The following CPSF2 variants were observed in gnomAD, a reference collection of about 807,000 sequenced individuals.
CPSF2 encodes cleavage and polyadenylation specificity factor subunit 2.
In CPSF2, 51 loss-of-function variants were observed where a neutral mutation model predicts 84.2. The observed-to-expected ratio is 0.61, with a 90% CI of 0.48 to 0.77. The LOEUF (loss-of-function observed/expected upper bound fraction) is 0.77, where lower values mean the gene tolerates loss of function less well. Ranked by LOEUF, CPSF2 falls within the 30% of genes least tolerant of loss-of-function variation. CPSF2 has a pLI of 0.00. For missense variants in CPSF2, 641 were observed against 929.4 expected (o/e 0.69, Z 4.03); for synonymous variants, 286 against 311.9 (o/e 0.92, Z 0.87).
chr14:92,150,166 C>T (rs751836849), intron 9 of CPSF2, among the ~76,000 whole-genome samples: 80 of 149,200 alleles, frequency 5.4e-4, no homozygotes, highest in Non-Finnish European at 9.6e-4. Context: ...CTTGCTCTGT[C>T]GCCAGGCTGG....
intron 9 of CPSF2, among the ~76,000 whole-genome samples, chr14:92,152,032 G>A (rs1453735029): frequency 2.0e-5 from 3 of 149,316 alleles, no homozygotes; most frequent in Non-Finnish European, 3.0e-5. Context: ...AAAAAATGCC[G>A]TTCTTCCCAC....
intron 1 of CPSF2, among the ~76,000 whole-genome samples, chr14:92,123,119 C>A (rs1198677093): frequency 6.6e-6 from 1 of 152,116 alleles, no homozygotes; most frequent in Non-Finnish European, 1.5e-5. Context: ...TTGTCATCAA[C>A]ATGCACGGTA....
chr14:92,138,163 A>G, intron 6 of CPSF2, 69 bp from the exon 7 acceptor site: 1 of 715,150 alleles, frequency 1.4e-6, no homozygotes, highest in Non-Finnish European at 2.3e-6. Flanking sequence ...CTTATTTTTT[A>G]AGTAAGAGAA....
chr14:92,133,935 G>A, intron 3 of CPSF2, 76 bp from the exon 4 acceptor site: 1 of 1,466,324 alleles, frequency 6.8e-7, no homozygotes, highest in Non-Finnish European at 9.4e-7. Flanking sequence ...ATCCAGAATT[G>A]GTGAATAATT....
intron 9 of CPSF2, among the ~76,000 whole-genome samples, chr14:92,143,718 C>T: frequency 6.6e-6 from 1 of 152,122 alleles, no homozygotes; most frequent in South Asian, 2.1e-4. Context: ...GGATCCTCCT[C>T]CCTCAGCCTC....
intron 7 of CPSF2, among the ~76,000 whole-genome samples, chr14:92,141,630 C>T (rs1474738637): frequency 6.6e-6 from 1 of 152,102 alleles, no homozygotes. Flanking sequence ...GCCTGGCCAC[C>T]ATTTTATTTG....
Position 92,158,975 on chromosome 14 carries a change from AT to A in CPSF2, c.1822-7del. 1 of 1,587,974 alleles carries A rather than the reference AT, an allele frequency of 6.3e-7. No individual in the cohort carries two copies. Among genetic ancestry groups the A allele is most frequent in the Non-Finnish European group, 8.6e-7 (1 of 1,167,036 alleles). ...TTTTATTTCTCTCCCCCTCCTTTGC[AT>A]GTCTAGGTGAGGTTAAAAGACTCAC... On this transcript the variant is annotated splice_polypyrimidine_tract_variant and splice_region_variant and intron_variant, in intron 13 of 15. Transcript: ENST00000298875.
In CPSF2 at chr14:92,121,977, C is replaced by G. The variant is rs1267266162; in HGVS notation, c.-245C>G. ...TCCTCCTCGTCTCCGCCGCTAGTCT[C>G]CAGCTCCAAAATGGCGGCTGCCACT... is the stretch of plus-strand genomic sequence containing the variant. On this transcript the variant is annotated 5_prime_UTR_variant, in exon 1 of 16. Coordinates refer to ENST00000298875, the MANE Select transcript of CPSF2 (RefSeq NM_017437.3). The G allele has an allele frequency of 7.8e-6, 6 of 767,442 alleles. No individual in the cohort carries two copies. The highest frequency in any genetic ancestry group is 8.4e-6 in the Non-Finnish European group (4 of 475,430). 47.5% of individuals were successfully genotyped at this position (767,442 alleles called of 1,614,324 possible). A position where few individuals can be genotyped will look rare whatever the true frequency, so the allele number is the denominator to read the frequency against.
chr14:92,152,213 T>A (rs1460115388), intron 9 of CPSF2, among the ~76,000 whole-genome samples: 1 of 152,058 alleles, frequency 6.6e-6, no homozygotes, highest in Non-Finnish European at 1.5e-5. Flanking sequence ...CACTGCAACC[T>A]CCGCCTCCCA....
intron 6 of CPSF2, among the ~76,000 whole-genome samples, chr14:92,135,848 A>G (rs553201591): frequency 2.0e-5 from 3 of 152,182 alleles, no homozygotes; most frequent in Non-Finnish European, 4.4e-5. Context: ...GTAACGTGAT[A>G]TGGTTTGGCT....
At chr14:92,150,347 C>T (rs1248527387) in intron 9 of CPSF2, among the ~76,000 whole-genome samples, 1 of 151,868 alleles carries the variant, frequency 6.6e-6, no homozygotes, top group African/African-American at 2.4e-5. Flanking sequence ...GTCTCGAACT[C>T]CTGACCTCAG....
chr14:92,146,476 G>A (rs745609467), intron 9 of CPSF2, among the ~76,000 whole-genome samples: 2 of 152,128 alleles, frequency 1.3e-5, no homozygotes, highest in Admixed American at 1.3e-4. Context: ...AGCCAGGATC[G>A]CGCCACTGCA....
rs755124126 is a variant in CPSF2 at position 92,156,618 on chromosome 14, T to C, written c.1582T>C (p.Ser528Pro). ...VPTKCISTTE[S>P]IEIKARVTYI... ...TACTAAATGTATTTCTACAACAGAG[T>C]CTATTGAAATAAAGTAAGTGCTTTT... Residue 528 changes from serine (S) to proline (P), a missense_variant, in exon 12 of 16, where the codon TCT (serine) becomes CCT (proline). Physicochemically the swap from Ser to Pro is moderately conservative, Grantham distance 74 (BLOSUM62 -1). This residue lies in a region of CPSF2 where 430 missense variants were observed against 553.6 expected (regional missense o/e 0.78). Coordinates refer to ENST00000298875, the MANE Select transcript of CPSF2 (RefSeq NM_017437.3). 1 of 1,569,354 alleles carries C rather than the reference T, an allele frequency of 6.4e-7. No individual in the cohort carries two copies. The highest frequency in any genetic ancestry group is 1.9e-5 in the Admixed American group (1 of 53,994).
intron 13 of CPSF2, among the ~76,000 whole-genome samples, chr14:92,158,653 G>A (rs148975658): frequency 4.1e-4 from 63 of 152,288 alleles, no homozygotes; most frequent in South Asian, 1.0e-3. Context: ...GGGGAGCTTC[G>A]TGAGGGTCAG....
chr14:92,145,777 T>A (rs957750162), intron 9 of CPSF2, among the ~76,000 whole-genome samples: 2 of 152,216 alleles, frequency 1.3e-5, no homozygotes, highest in East Asian at 3.8e-4. Flanking sequence ...TAGACAATGA[T>A]GTTTAGAAGC....
In CPSF2 at chr14:92,159,047, C is replaced by G. The variant is rs777405906; in HGVS notation, c.1886C>G (p.Ala629Gly). The G allele has an allele frequency of 2.5e-6, 4 of 1,613,966 alleles. No individual in the cohort carries two copies. In the South Asian group the frequency reaches 4.4e-5, roughly 18 times the overall value. Reference sequence around the variant, plus strand: ...TGTAAGGCAAAAGATGCTGAATTAGCTTGGATAGATGGTGTCTTAGATATG... The same window carrying G: ...TGTAAGGCAAAAGATGCTGAATTAGGTTGGATAGATGGTGTCTTAGATATG... ...QFCKAKDAEL[A>G]WIDGVLDMRV... Residue 629 changes from alanine (A) to glycine (G), a missense_variant, in exon 14 of 16, where the codon GCT (alanine) becomes GGT (glycine). Physicochemically the swap from Ala to Gly is moderately conservative, Grantham distance 60. Coordinates refer to ENST00000298875, the MANE Select transcript of CPSF2 (RefSeq NM_017437.3).
chr14:92,159,254 C>G lies in CPSF2; in HGVS notation c.2093C>G (p.Pro698Arg), dbSNP rs2069335743. The G allele has an allele frequency of 6.2e-7, 1 of 1,607,894 alleles. No homozygotes were observed. Among genetic ancestry groups the G allele is most frequent in the Non-Finnish European group, 8.5e-7 (1 of 1,176,354 alleles). The part of the protein sequence containing the change: ...KETGEESEII[P>R]TLEPLPPHEV... ...ACAGGTGAAGAAAGTGAGATCATTC[C>G]TACTTTGGAACCCTTGCCACCTCAT... Residue 698 changes from proline (P) to arginine (R), a missense_variant, in exon 14 of 16, where the codon CCT becomes CGT. Physicochemically the swap from Pro to Arg is moderately radical, Grantham distance 103. This residue lies in a region of CPSF2 where 430 missense variants were observed against 553.6 expected (regional missense o/e 0.78). Coordinates refer to ENST00000298875, the MANE Select transcript of CPSF2 (RefSeq NM_017437.3).
chr14:92,153,648 A>G (rs74722947), intron 9 of CPSF2, among the ~76,000 whole-genome samples: 5 of 150,750 alleles, frequency 3.3e-5, no homozygotes, highest in African/African-American at 1.2e-4. Context: ...CTCAGACTCA[A>G]GTGATACTCA....
intron 9 of CPSF2, among the ~76,000 whole-genome samples, chr14:92,150,646 C>G (rs1014103872): frequency 6.6e-6 from 1 of 152,030 alleles, no homozygotes; most frequent in African/African-American, 2.4e-5. Context: ...CATATGGTCT[C>G]GAACTGGCCT....
Sources: gnomAD v4.1 joint callset for allele counts (sites outside exome capture counted in the v4.1 genomes callset) on GRCh38, gnomAD v4.1.1 for gene constraint, gnomAD v4.1.1 regional missense constraint, MANE v1.5 for transcripts, NCBI Gene and HGNC (gene_info 2026-07-23, HGNC 2026-07-21) for gene names.